RAPH1: variants seen among roughly 807,000 people sequenced by gnomAD.
RAPH1 encodes the protein Ras association (RalGDS/AF-6) and pleckstrin homology domains 1, also known as ras-associated and pleckstrin homology domains-containing protein 1.
RAPH1 carries 18 observed loss-of-function variants against 88.1 expected under a neutral mutation model. That is an observed-to-expected ratio of 0.20 (90% CI 0.14 to 0.30). The LOEUF (loss-of-function observed/expected upper bound fraction) is 0.30, where lower values mean the gene tolerates loss of function less well. RAPH1 is among the 10% of genes least tolerant of loss of function. The pLI, the probability that RAPH1 is intolerant of heterozygous loss-of-function variation, is 1.00. For missense variants in RAPH1, 1,448 were observed against 1,543.2 expected (o/e 0.94, Z 1.03); for synonymous variants, 587 against 559.0 (o/e 1.05, Z -0.71).
At position 203,434,086 on chromosome 2, in the gene RAPH1, G is replaced by A. The variant is rs1264144778; in HGVS notation, c.*5351C>T. ...TATATATATATATATATATAGCTTT[G>A]CACAATCAGGGAGCAAGGCACATAA... is the stretch of plus-strand genomic sequence containing the variant. On this transcript the variant is annotated 3_prime_UTR_variant, in exon 14 of 14. Coordinates refer to ENST00000319170, the MANE Select transcript of RAPH1 (RefSeq NM_213589.3). The A allele has an allele frequency of 6.9e-6, 1 of 145,558 alleles. No individual in the cohort carries two copies. Among genetic ancestry groups the A allele is most frequent in the Non-Finnish European group, 1.5e-5 (1 of 67,046 alleles). 9.0% of individuals were successfully genotyped at this position (145,558 alleles called of 1,614,324 possible). A position where few individuals can be genotyped will look rare whatever the true frequency, so the allele number is the denominator to read the frequency against.
At chr2:203,509,573 A>AC (rs1187959998) in intron 1 of RAPH1, among the ~76,000 whole-genome samples, 2 of 152,190 alleles carry the variant, frequency 1.3e-5, no homozygotes, top group Non-Finnish European at 2.9e-5. Context: ...TAAAACAGTA[A>AC]ATCACTTCTA....
intron 1 of RAPH1, 28 bp downstream of exon 1, chr2:203,535,083 G>A (rs1418301709): frequency 6.6e-6 from 1 of 151,588 alleles, no homozygotes; most frequent in East Asian, 2.0e-4. Context: ...CCTACCCCCT[G>A]GCCCCGAGGG....
chr2:203,449,196 A>C (rs180813207), intron 10 of RAPH1, among the ~76,000 whole-genome samples: 187 of 152,344 alleles, frequency 1.2e-3, no homozygotes, highest in African/African-American at 4.3e-3. Flanking sequence ...AGAATGTTTA[A>C]TTTCACTTTC....
Position 203,448,744 on chromosome 2 carries a change from A to G in RAPH1, c.1506T>C (p.Ile502=), listed in dbSNP as rs762439408. 2.5e-6 allele frequency: 4 copies of G among 1,592,736 alleles called. No individual in the cohort carries two copies. The highest frequency in any genetic ancestry group is 3.4e-6 in the Non-Finnish European group (4 of 1,167,812). ...AAATCAAAAGGAGACATGCCTTTGC[A>G]ATGCGGATCCCATTGACCCACTGAT... The part of the protein sequence containing the change: ...TLHQWVNGIR[I]AKYGKQLYMN... The change falls in exon 11 of 14, where the codon ATT becomes ATC. Residue 502 remains isoleucine (I), a synonymous_variant. Transcript: ENST00000319170. The surrounding 1 kb of genome is among the most constrained non-coding windows in gnomAD (Gnocchi z 4.1).
intron 1 of RAPH1, among the ~76,000 whole-genome samples, chr2:203,514,756 G>C (rs992258426): frequency 6.6e-6 from 1 of 151,764 alleles, no homozygotes; most frequent in African/African-American, 2.4e-5. Flanking sequence ...AGGTTTCACC[G>C]TGTTAGCCAG....
intron 1 of RAPH1, among the ~76,000 whole-genome samples, chr2:203,522,095 AAATATT>A (rs1454454442): frequency 3.3e-5 from 5 of 152,220 alleles, no homozygotes; most frequent in Non-Finnish European, 5.9e-5. Context: ...TGGCCTCTTT[AAATATT>A]AATATCCAAA....
chr2:203,517,474 A>G (rs773627450), intron 1 of RAPH1, among the ~76,000 whole-genome samples: 22 of 152,106 alleles, frequency 1.4e-4, no homozygotes, highest in Non-Finnish European at 2.1e-4. Flanking sequence ...GCAAAAAATC[A>G]GTAAAGATAT....
In RAPH1 at chr2:203,453,596, G is replaced by A. The variant is rs2098516661; in HGVS notation, c.1413+834C>T. On this transcript the variant is annotated intron_variant, in intron 10 of 13. Coordinates refer to ENST00000319170, the MANE Select transcript of RAPH1 (RefSeq NM_213589.3). Reference sequence around the variant, plus strand: ...AAAAAGGTTGCTACTACAATGTACTGACTTTATCAAAGCAATCAAAACTCC... The same window carrying A: ...AAAAAGGTTGCTACTACAATGTACTAACTTTATCAAAGCAATCAAAACTCC... Among the ~76,000 whole-genome samples the A allele has an allele frequency of 4.7e-5, 6 of 128,326 alleles. No homozygotes were observed. In the South Asian group the frequency reaches 1.6e-3, roughly 34 times the overall value. The allele number at this position is 128,326 out of a possible 152,430, so 84.2% of individuals were successfully genotyped here.
rs554046942 is a variant in RAPH1 at position 203,488,083 on chromosome 2, C to T, written c.732+1501G>A. On this transcript the variant is annotated intron_variant, in intron 4 of 13. Coordinates refer to ENST00000319170, the MANE Select transcript of RAPH1 (RefSeq NM_213589.3). ...GACTTAACTTTGCCCCATTTTTCTT[C>T]TTTCTTGCTGCTACCCTATGACAGA... Among the ~76,000 whole-genome samples, 132 of 152,240 alleles carry T rather than the reference C, an allele frequency of 8.7e-4. 1 individual carries two copies. The highest frequency in any genetic ancestry group is 1.7e-3 in the Non-Finnish European group (114 of 67,998).
chr2:203,503,648 A>ATGCC (rs536282079), intron 1 of RAPH1, among the ~76,000 whole-genome samples: 136 of 152,248 alleles, frequency 8.9e-4, no homozygotes, highest in African/African-American at 3.2e-3. Flanking sequence ...AAAACCAATC[A>ATGCC]TGCCTTCCCA....
Position 203,489,814 on chromosome 2 carries a change from C to A in RAPH1, c.502G>T (p.Asp168Tyr), listed in dbSNP as rs1164881733. 6.2e-7 allele frequency: 1 copy of A among 1,614,198 alleles called. No homozygotes were observed. Among genetic ancestry groups the A allele is most frequent in the Non-Finnish European group, 8.5e-7 (1 of 1,180,034 alleles). ...AQLEQASLSM[D>Y]EAAQQSVLED... ...AGTACAGATTGCTGAGCAGCCTCAT[C>A]CATACTCAAAGAGGCCTGTTCTAAC... The change falls in exon 4 of 14, where the codon GAT becomes TAT. Residue 168 changes from aspartate to tyrosine, a missense_variant. Around this residue, in one of 2 missense-constraint regions of RAPH1, gnomAD observed 513 missense variants for 653.1 expected, o/e 0.79. Coordinates refer to ENST00000319170, the MANE Select transcript of RAPH1 (RefSeq NM_213589.3).
intron 1 of RAPH1, among the ~76,000 whole-genome samples, chr2:203,512,495 T>A (rs995575579): frequency 1.3e-5 from 2 of 151,782 alleles, no homozygotes; most frequent in African/African-American, 4.8e-5. Flanking sequence ...GAGACACAAA[T>A]GGAAGTAAGA....
intron 7 of RAPH1, among the ~76,000 whole-genome samples, chr2:203,458,534 GCA>G (rs571801698): frequency 7.4e-4 from 113 of 152,184 alleles, no homozygotes; most frequent in African/African-American, 2.6e-3. Context: ...TATAACCTAT[GCA>G]CATTCTCCCT....
rs557630234 is a variant in RAPH1, at chr2:203,465,873, G to A, written c.733-3948C>T. Among the ~76,000 whole-genome samples, 785 of 151,528 alleles carry A rather than the reference G, an allele frequency of 5.2e-3. 12 individuals carry two copies. The highest frequency in any genetic ancestry group is 0.018 in the African/African-American group (727 of 41,370). On this transcript the variant is annotated intron_variant, in intron 4 of 13. Coordinates refer to ENST00000319170, the MANE Select transcript of RAPH1 (RefSeq NM_213589.3). ...AGCCTGGGTGACACAGCAAGACTTC[G>A]TCTCAAAAAAAAAAAGTTGACACAA... is the stretch of plus-strand genomic sequence containing the variant.
At chr2:203,467,969 T>C (rs369003516) in intron 4 of RAPH1, among the ~76,000 whole-genome samples, 4 of 152,014 alleles carry the variant, frequency 2.6e-5, no homozygotes, top group African/African-American at 9.6e-5. Context: ...GGGGTTTCAC[T>C]ATGTTAGGCA....
At chr2:203,449,601 A>G (rs1477163332) in intron 10 of RAPH1, among the ~76,000 whole-genome samples, 1 of 152,218 alleles carries the variant, frequency 6.6e-6, no homozygotes, top group African/African-American at 2.4e-5. Flanking sequence ...TTGGAAAGAA[A>G]AGCCCTAAAT....
intron 4 of RAPH1, among the ~76,000 whole-genome samples, chr2:203,464,692 A>G (rs1201013856): frequency 6.6e-6 from 1 of 152,246 alleles, no homozygotes; most frequent in Non-Finnish European, 1.5e-5. Context: ...AGGAATATTC[A>G]AGAGAATGAG....
At position 203,467,942 on chromosome 2, in the gene RAPH1, AT is replaced by A. The variant is rs542366940; in HGVS notation, c.733-6018del. Among the ~76,000 whole-genome samples, 753 of 151,002 alleles carry A rather than the reference AT, an allele frequency of 5.0e-3. 10 individuals carry two copies. Among genetic ancestry groups the A allele is most frequent in the African/African-American group, 0.017 (714 of 41,126 alleles). Reference sequence around the variant, plus strand: ...ACCACCACGCCAGGCTAATTTTTGTATTTTTTTTGTAGAGATGGGGTTTCAC... The same window carrying A: ...ACCACCACGCCAGGCTAATTTTTGTATTTTTTTGTAGAGATGGGGTTTCAC... On this transcript the variant is annotated intron_variant, in intron 4 of 13. Coordinates refer to ENST00000319170, the MANE Select transcript of RAPH1 (RefSeq NM_213589.3).
Position 203,506,894 on chromosome 2 carries a change from A to T in RAPH1, c.1-11541T>A, listed in dbSNP as rs1255843684. Among the ~76,000 whole-genome samples, 315 of 101,234 alleles carry T rather than the reference A, an allele frequency of 3.1e-3. 24 individuals are homozygous for T. The highest frequency in any genetic ancestry group is 0.016 in the African/African-American group (285 of 18,188). The allele number at this position is 101,234 out of a possible 152,430, so 66.4% of individuals were successfully genotyped here. A position where few individuals can be genotyped will look rare whatever the true frequency, so the allele number is the denominator to read the frequency against. On this transcript the variant is annotated intron_variant, in intron 1 of 13. Coordinates refer to ENST00000319170, the MANE Select transcript of RAPH1 (RefSeq NM_213589.3). ...TATATATATATAGATATATATATAT[A>T]TATATTTTTTTTTTTTTTGAGATGA... is the stretch of plus-strand genomic sequence containing the variant.
Sources: gnomAD v4.1 joint callset for allele counts (sites outside exome capture counted in the v4.1 genomes callset) on GRCh38, gnomAD v4.1.1 for gene constraint, gnomAD v4.1.1 regional missense constraint, Gnocchi (gnomAD v3.1) non-coding constraint, MANE v1.5 for transcripts, NCBI Gene and HGNC (gene_info 2026-07-23, HGNC 2026-07-21) for gene names.